DGKB: variants seen among roughly 807,000 people sequenced by gnomAD.
DGKB encodes diacylglycerol kinase beta, also known as 90 kDa diacylglycerol kinase.
DGKB carries 67 observed loss-of-function variants against 114.3 expected under a neutral mutation model. The observed-to-expected ratio is 0.59, with a 90% CI of 0.48 to 0.72. The LOEUF (loss-of-function observed/expected upper bound fraction) is 0.72, where lower values mean the gene tolerates loss of function less well. DGKB is among the 30% of genes least tolerant of loss of function. The pLI, the probability that DGKB is intolerant of heterozygous loss-of-function variation, is 0.00. For missense variants in DGKB, 907 were observed against 975.2 expected, an observed-to-expected ratio of 0.93 and a Z score of 0.93; for synonymous variants, 398 against 323.1, an observed-to-expected ratio of 1.23 and a Z score of -2.49.
chr7:14,515,513 C>T lies in DGKB; in HGVS notation c.1771-37288G>A, dbSNP rs62443495. On this transcript the variant is annotated intron_variant, in intron 20 of 25. Coordinates refer to ENST00000402815, the MANE Select transcript of DGKB (RefSeq NM_001350709.2). ...TTAATAATTAAAATATATTAAACTA[C>T]GTTTTCATTTGCCTACTAAAGTTGG... is the stretch of plus-strand genomic sequence containing the variant. Among the ~76,000 whole-genome samples the T allele has an allele frequency of 5.6e-3, 848 of 152,150 alleles. 5 individuals carry two copies. The highest frequency in any genetic ancestry group is 0.017 in the Middle Eastern group (5 of 294).
intron 20 of DGKB, among the ~76,000 whole-genome samples, chr7:14,534,894 C>T (rs760512469): frequency 6.6e-6 from 1 of 151,972 alleles, no homozygotes. Flanking sequence ...AGAAAGAAAA[C>T]TGAACAATCA....
chr7:14,771,668 G>T (rs182501095), intron 2 of DGKB, among the ~76,000 whole-genome samples: 4 of 151,782 alleles, frequency 2.6e-5, no homozygotes, highest in African/African-American at 7.3e-5. Context: ...TCTGATTCTG[G>T]CATAACTAGG....
At chr7:14,874,116 T>C (rs890197602) in intron 1 of DGKB, among the ~76,000 whole-genome samples, 3 of 152,120 alleles carry the variant, frequency 2.0e-5, no homozygotes, top group African/African-American at 7.2e-5. Flanking sequence ...AGGGATGTAC[T>C]CAGTTATCTA....
chr7:14,473,528 T>C (rs1434587004), intron 21 of DGKB, among the ~76,000 whole-genome samples: 1 of 152,150 alleles, frequency 6.6e-6, no homozygotes, highest in African/African-American at 2.4e-5. Context: ...AATGCATCCC[T>C]ACTGGGGCAC....
At chr7:14,570,635 G>T (rs912486655) in intron 20 of DGKB, among the ~76,000 whole-genome samples, 3 of 152,034 alleles carry the variant, frequency 2.0e-5, no homozygotes, top group East Asian at 3.8e-4. Context: ...ATAAGAAAGA[G>T]AAAATATATA....
chr7:14,529,666 A>C (rs1791237221), intron 20 of DGKB, among the ~76,000 whole-genome samples: 2 of 151,832 alleles, frequency 1.3e-5, no homozygotes, highest in South Asian at 4.1e-4. Flanking sequence ...TAATGCTCTC[A>C]AAACTAAACT....
chr7:14,737,300 T>C (rs1008345623), intron 4 of DGKB, among the ~76,000 whole-genome samples: 1 of 148,412 alleles, frequency 6.7e-6, no homozygotes, highest in Non-Finnish European at 1.5e-5. Context: ...TTTTTTTTTT[T>C]TTTTTTTTTT....
intron 21 of DGKB, among the ~76,000 whole-genome samples, chr7:14,435,179 C>T (rs1185603775): frequency 3.9e-5 from 6 of 152,072 alleles, no homozygotes; most frequent in Non-Finnish European, 7.4e-5. Flanking sequence ...CCTACTATTT[C>T]TCCAGAAATA....
chr7:14,935,938 C>T (rs1374952513), intron 1 of DGKB, among the ~76,000 whole-genome samples: 26 of 151,920 alleles, frequency 1.7e-4, no homozygotes, highest in Admixed American at 6.6e-5. Context: ...ATTGGTTGTC[C>T]ATCAACTACA....
chr7:14,677,704 G>A (rs1451875854), intron 12 of DGKB, among the ~76,000 whole-genome samples: 1 of 151,952 alleles, frequency 6.6e-6, no homozygotes, highest in Non-Finnish European at 1.5e-5. Context: ...CAGAAGAAAT[G>A]AACAGGTATA....
At chr7:14,543,224 G>A (rs142189437) in intron 20 of DGKB, among the ~76,000 whole-genome samples, 209 of 152,042 alleles carry the variant, frequency 1.4e-3, no homozygotes, top group African/African-American at 4.8e-3. Context: ...TGGGAGGATC[G>A]CTTGAGGCCA....
chr7:14,683,511 G>C (rs899505045), intron 10 of DGKB, among the ~76,000 whole-genome samples: 1 of 151,936 alleles, frequency 6.6e-6, no homozygotes, highest in African/African-American at 2.4e-5. Flanking sequence ...TATATAATAC[G>C]TGTCAGAAAA....
intron 1 of DGKB, among the ~76,000 whole-genome samples, chr7:14,915,489 A>G (rs1433580161): frequency 1.3e-5 from 2 of 152,184 alleles, no homozygotes; most frequent in Non-Finnish European, 2.9e-5. Context: ...CTCAGAGAAC[A>G]CTAAGCAGGA....
chr7:14,864,101 C>CAAAAATAAAAA (rs1851373151), intron 1 of DGKB, among the ~76,000 whole-genome samples: 1 of 96,512 alleles, frequency 1.0e-5, no homozygotes. Flanking sequence ...AACTCTGTTT[C>CAAAAATAAAAA]AAAAAAAAAA....
chr7:14,149,260 G>C, intron 25 of DGKB, 22 bp from the exon 26 acceptor site: 2 of 1,554,756 alleles, frequency 1.3e-6, no homozygotes, highest in Non-Finnish European at 1.8e-6. Flanking sequence ...GAGAGAGAGA[G>C]AGAGAGAAAG....
intron 23 of DGKB, among the ~76,000 whole-genome samples, chr7:14,239,010 A>G (rs763985643): frequency 1.3e-5 from 2 of 152,042 alleles, no homozygotes; most frequent in African/African-American, 2.4e-5. Flanking sequence ...CAAGGGAGAT[A>G]GATGAATGCC....
At chr7:14,670,824 G>T (rs946670870) in intron 13 of DGKB, among the ~76,000 whole-genome samples, 3 of 151,894 alleles carry the variant, frequency 2.0e-5, no homozygotes, top group African/African-American at 7.3e-5. Context: ...CATTACCCCT[G>T]CTGGAATGTA....
chr7:14,810,334 GT>G (rs1277911377), intron 2 of DGKB, among the ~76,000 whole-genome samples: 2 of 152,066 alleles, frequency 1.3e-5, no homozygotes, highest in Admixed American at 6.6e-5. Context: ...TTGGATCTTG[GT>G]TTAAACTTGA....
At chr7:14,629,323 G>A (rs1809241020) in intron 14 of DGKB, among the ~76,000 whole-genome samples, 2 of 151,942 alleles carry the variant, frequency 1.3e-5, no homozygotes, top group Non-Finnish European at 2.9e-5. Flanking sequence ...TTATATTTAA[G>A]TGTATGTCCA....
Sources: gnomAD v4.1 joint callset for allele counts (sites outside exome capture counted in the v4.1 genomes callset) on GRCh38, gnomAD v4.1.1 for gene constraint, MANE v1.5 for transcripts, NCBI Gene and HGNC (gene_info 2026-07-23, HGNC 2026-07-21) for gene names.